NOS1AP: variants seen among roughly 807,000 people sequenced by gnomAD.
NOS1AP encodes carboxyl-terminal PDZ ligand of neuronal nitric oxide synthase protein.
In NOS1AP, 21 loss-of-function variants were observed where a neutral mutation model predicts 56.2. The observed-to-expected ratio is 0.37, with a 90% CI of 0.26 to 0.54. The LOEUF (loss-of-function observed/expected upper bound fraction) is 0.54, where lower values mean the gene tolerates loss of function less well. NOS1AP is among the 20% of genes least tolerant of loss of function. The pLI is 0.84. For synonymous variants in NOS1AP, 270 were observed against 274.6 expected (o/e 0.98, Z 0.17); for missense variants, 522 against 657.8 (o/e 0.79, Z 2.26).
intron 1 of NOS1AP, among the ~76,000 whole-genome samples, chr1:162,136,359 C>T (rs911607915): frequency 2.6e-5 from 4 of 152,108 alleles, no homozygotes; most frequent in African/African-American, 7.2e-5. Flanking sequence ...CTCCAACTCC[C>T]TTAATCTTAT....
intron 2 of NOS1AP, among the ~76,000 whole-genome samples, chr1:162,215,074 C>T (rs988071418): frequency 1.3e-5 from 2 of 152,206 alleles, no homozygotes; most frequent in Admixed American, 6.5e-5. Context: ...GCATTCTCCG[C>T]GAAGCTTCTC....
chr1:162,230,725 A>G (rs1653095080), intron 2 of NOS1AP, among the ~76,000 whole-genome samples: 1 of 152,172 alleles, frequency 6.6e-6, no homozygotes, highest in South Asian at 2.1e-4. Flanking sequence ...TGGGTATCTC[A>G]TATAAGTGGA....
At chr1:162,193,561 CT>C (rs1253722059) in intron 2 of NOS1AP, among the ~76,000 whole-genome samples, 2 of 152,130 alleles carry the variant, frequency 1.3e-5, no homozygotes, top group Non-Finnish European at 2.9e-5. Flanking sequence ...TTTTTGCTTC[CT>C]TTTCGCCTTG....
intron 1 of NOS1AP, among the ~76,000 whole-genome samples, chr1:162,122,163 A>C (rs941432581): frequency 1.3e-5 from 2 of 152,256 alleles, no homozygotes; most frequent in Admixed American, 1.3e-4. Flanking sequence ...AATGTAAATG[A>C]TATAAAGCAA....
intron 2 of NOS1AP, among the ~76,000 whole-genome samples, chr1:162,170,778 TA>T (rs898556111): frequency 3.3e-5 from 5 of 151,648 alleles, no homozygotes; most frequent in African/African-American, 1.2e-4. Context: ...ATACAAAAAC[TA>T]AAAATACAAA....
At chr1:162,353,841 C>T (rs755947292) in intron 6 of NOS1AP, among the ~76,000 whole-genome samples, 3 of 152,230 alleles carry the variant, frequency 2.0e-5, no homozygotes, top group South Asian at 2.1e-4. Flanking sequence ...GCCATCAAGA[C>T]GGTCACTTCC....
intron 8 of NOS1AP, chr1:162,365,167 G>A: frequency 2.1e-6 from 3 of 1,426,826 alleles, no homozygotes; most frequent in Non-Finnish European, 2.7e-6. Flanking sequence ...GTACCTTAGT[G>A]ATGCATCATG....
chr1:162,293,995 T>G (rs909741714), intron 3 of NOS1AP, among the ~76,000 whole-genome samples: 1 of 152,190 alleles, frequency 6.6e-6, no homozygotes, highest in African/African-American at 2.4e-5. Context: ...TATCTTTGCT[T>G]TCTCACCTTC....
chr1:162,253,514 A>G (rs577473344), intron 2 of NOS1AP, among the ~76,000 whole-genome samples: 11 of 152,304 alleles, frequency 7.2e-5, no homozygotes, highest in African/African-American at 1.2e-4. Flanking sequence ...AAAAATGAGG[A>G]AAAAAGCTCT....
At chr1:162,330,181 T>C (rs115458552) in intron 4 of NOS1AP, among the ~76,000 whole-genome samples, 1,990 of 152,358 alleles carry the variant, frequency 0.013, 19 homozygotes, top group South Asian at 0.024. Context: ...TTACGTATGA[T>C]GCTGAACTAA....
chr1:162,170,794 A>G (rs1362353502), intron 2 of NOS1AP, among the ~76,000 whole-genome samples: 1 of 152,120 alleles, frequency 6.6e-6, no homozygotes, highest in Non-Finnish European at 1.5e-5. Context: ...TACAAAAATT[A>G]GCCGGATATG....
chr1:162,364,984 G>T, intron 8 of NOS1AP: 2 of 1,055,576 alleles, frequency 1.9e-6, no homozygotes, highest in African/African-American at 1.7e-5. Context: ...AGAAGAGAGT[G>T]CCCCCTTCCA....
At chr1:162,080,801 T>C (rs909707601) in intron 1 of NOS1AP, among the ~76,000 whole-genome samples, 3 of 152,350 alleles carry the variant, frequency 2.0e-5, no homozygotes, top group Non-Finnish European at 2.9e-5. Context: ...GATAACATTA[T>C]AATTACTGTC....
intron 2 of NOS1AP, among the ~76,000 whole-genome samples, chr1:162,160,932 T>A (rs1571079379): frequency 6.6e-6 from 1 of 152,122 alleles, no homozygotes; most frequent in Admixed American, 6.5e-5. Context: ...CTTCTGGAGG[T>A]TCTAGAGGAG....
At chr1:162,335,290 G>T (rs548954279) in intron 5 of NOS1AP, among the ~76,000 whole-genome samples, 1 of 152,216 alleles carries the variant, frequency 6.6e-6, no homozygotes, top group African/African-American at 2.4e-5. Flanking sequence ...CAGCTGAGGG[G>T]ATTGTTTCCA....
chr1:162,193,754 A>C (rs749660881), intron 2 of NOS1AP, among the ~76,000 whole-genome samples: 3 of 152,078 alleles, frequency 2.0e-5, no homozygotes, highest in Non-Finnish European at 2.9e-5. Context: ...ATCAAGCTAG[A>C]TCTTTCCTAT....
chr1:162,262,398 G>T (rs1002779080), intron 2 of NOS1AP, among the ~76,000 whole-genome samples: 2 of 152,186 alleles, frequency 1.3e-5, no homozygotes, highest in Non-Finnish European at 2.9e-5. Context: ...AGATGCTGGA[G>T]GTTCTCACAG....
At chr1:162,271,675 T>C (rs1020658021) in intron 2 of NOS1AP, among the ~76,000 whole-genome samples, 8 of 152,346 alleles carry the variant, frequency 5.3e-5, no homozygotes, top group Non-Finnish European at 1.0e-4. Flanking sequence ...CCAATGACTT[T>C]CTTGATTTCC....
At chr1:162,092,511 A>G (rs1692158142) in intron 1 of NOS1AP, among the ~76,000 whole-genome samples, 1 of 152,206 alleles carries the variant, frequency 6.6e-6, no homozygotes, top group Admixed American at 6.5e-5. Flanking sequence ...TTCACTGAAT[A>G]AGAGTTTATG....
Sources: allele counts gnomAD v4.1 joint callset (sites outside exome capture counted in the v4.1 genomes callset), GRCh38; gene constraint gnomAD v4.1.1; transcripts MANE v1.5; gene names NCBI Gene and HGNC (gene_info 2026-07-23, HGNC 2026-07-21).